The following ITPR2 variants were observed in gnomAD, a reference collection of about 807,000 sequenced individuals.
ITPR2 encodes inositol 1,4,5-trisphosphate receptor type 2.
In ITPR2, 207 loss-of-function variants were observed where a neutral mutation model predicts 317.1. The observed-to-expected ratio is 0.65, with a 90% CI of 0.58 to 0.73. The LOEUF (loss-of-function observed/expected upper bound fraction) is 0.73. ITPR2 is among the 30% of genes least tolerant of loss of function. The pLI, the probability that ITPR2 is intolerant of heterozygous loss-of-function variation, is 0.00. For missense variants in ITPR2, 2,613 were observed against 3,284.0 expected, an observed-to-expected ratio of 0.80 and a Z score of 4.99; for synonymous variants, 1,156 against 1,149.1, an observed-to-expected ratio of 1.01 and a Z score of -0.12.
At chr12:26,772,804 G>A (rs1949896155) in intron 2 of ITPR2, among the ~76,000 whole-genome samples, 1 of 151,112 alleles carries the variant, frequency 6.6e-6, no homozygotes, top group African/African-American at 2.4e-5. Flanking sequence ...TGTTATATAG[G>A]TGTACATGTG....
intron 53 of ITPR2, 33 bp from the exon 54 acceptor site, chr12:26,399,074 G>A: frequency 6.7e-7 from 1 of 1,487,132 alleles, no homozygotes; most frequent in Non-Finnish European, 9.0e-7. Context: ...AATCACACTA[G>A]GCATAGTGAT....
At chr12:26,540,810 G>GA (rs1292572157) in intron 37 of ITPR2, among the ~76,000 whole-genome samples, 1 of 152,084 alleles carries the variant, frequency 6.6e-6, no homozygotes, top group Admixed American at 6.5e-5. Flanking sequence ...CCCAGCAACT[G>GA]AAAAGAGTAA....
Position 26,424,233 on chromosome 12 carries a change from G to A in ITPR2, c.6945+3680C>T, listed in dbSNP as rs147444541. Among the ~76,000 whole-genome samples the A allele has an allele frequency of 9.0e-4, 137 of 152,260 alleles. 1 individual carries two copies. The highest frequency in any genetic ancestry group is 3.0e-3 in the African/African-American group (125 of 41,552). On this transcript the variant is annotated intron_variant, in intron 49 of 56. Coordinates refer to ENST00000381340, the MANE Select transcript of ITPR2 (RefSeq NM_002223.4). ...TCTAAATCTTTTCAACTATCCTAGCGAAGACAGATCAGGCTTTAGTATCTT... is the reference window on the plus strand; with the variant it reads ...TCTAAATCTTTTCAACTATCCTAGCAAAGACAGATCAGGCTTTAGTATCTT...
intron 2 of ITPR2, among the ~76,000 whole-genome samples, chr12:26,732,456 C>CT (rs1291446894): frequency 2.0e-5 from 3 of 152,200 alleles, no homozygotes; most frequent in African/African-American, 7.2e-5. Context: ...TGCCTGACCT[C>CT]TTAGTGGTAG....
At chr12:26,811,471 C>T (rs542069548) in intron 1 of ITPR2, among the ~76,000 whole-genome samples, 9 of 151,642 alleles carry the variant, frequency 5.9e-5, no homozygotes, top group South Asian at 4.2e-4. Context: ...ATTGGTTGGG[C>T]GCGGTGGCTC....
At chr12:26,385,692 CCT>C (rs1939644806) in intron 55 of ITPR2, among the ~76,000 whole-genome samples, 1 of 152,164 alleles carries the variant, frequency 6.6e-6, no homozygotes, top group Admixed American at 6.5e-5. Flanking sequence ...CTCACGATCC[CCT>C]GAGTGTCCAA....
chr12:26,510,720 G>C (rs1012273239), intron 37 of ITPR2, among the ~76,000 whole-genome samples: 2 of 152,172 alleles, frequency 1.3e-5, no homozygotes, highest in Non-Finnish European at 2.9e-5. Context: ...AATTCAATTT[G>C]AATTAAACTA....
At chr12:26,715,072 C>A (rs75442351) in intron 8 of ITPR2, among the ~76,000 whole-genome samples, 1,546 of 151,930 alleles carry the variant, frequency 0.01, 10 homozygotes, top group Non-Finnish European at 0.017. Context: ...GTGCACTTGA[C>A]AGAGAAGGAG....
chr12:26,545,427 CTTT>C (rs1944372897), intron 37 of ITPR2, among the ~76,000 whole-genome samples: 1 of 152,076 alleles, frequency 6.6e-6, no homozygotes, highest in Non-Finnish European at 1.5e-5. Context: ...ACACTACCGG[CTTT>C]AAAGATAGGG....
intron 2 of ITPR2, among the ~76,000 whole-genome samples, chr12:26,760,148 G>A (rs1449726684): frequency 6.6e-6 from 1 of 152,132 alleles, no homozygotes; most frequent in Admixed American, 6.5e-5. Context: ...AGTACTCAGG[G>A]TGCAGCAAAT....
intron 42 of ITPR2, among the ~76,000 whole-genome samples, chr12:26,483,092 A>G (rs1942583116): frequency 1.3e-5 from 2 of 152,318 alleles, no homozygotes; most frequent in East Asian, 3.9e-4. Flanking sequence ...TTGATATCCC[A>G]GAAAACAAAA....
intron 21 of ITPR2, among the ~76,000 whole-genome samples, chr12:26,650,896 T>C (rs896904463): frequency 6.6e-6 from 1 of 152,216 alleles, no homozygotes; most frequent in Non-Finnish European, 1.5e-5. Flanking sequence ...CTTTGCTTTT[T>C]CTCATTCATA....
At chr12:26,370,715 C>T (rs1248016260) in intron 55 of ITPR2, among the ~76,000 whole-genome samples, 2 of 152,152 alleles carry the variant, frequency 1.3e-5, no homozygotes, top group Admixed American at 1.3e-4. Context: ...TGCTCTGTTG[C>T]CCAGGCTGAA....
rs187778505 is a variant in ITPR2, at chr12:26,363,786, A to G, written c.7858-23458T>C. Among the ~76,000 whole-genome samples the G allele has an allele frequency of 7.9e-5, 12 of 152,318 alleles. No individual in the cohort carries two copies. The East Asian group carries it at 2.1e-3, about 27-fold the overall frequency. ...CTTAAAAGAAAAAAAAAAGAGTCCTACAAATTGCACTAAGTATGGAGATAC... is the reference window on the plus strand; with the variant it reads ...CTTAAAAGAAAAAAAAAAGAGTCCTGCAAATTGCACTAAGTATGGAGATAC... On this transcript the variant is annotated intron_variant, in intron 55 of 56. Transcript: ENST00000381340.
chr12:26,605,273 T>C (rs1175640190), intron 26 of ITPR2, among the ~76,000 whole-genome samples: 1 of 151,792 alleles, frequency 6.6e-6, no homozygotes, highest in African/African-American at 2.4e-5. Flanking sequence ...GATTTTCCAT[T>C]TGATAGCAAA....
intron 45 of ITPR2, among the ~76,000 whole-genome samples, chr12:26,452,683 T>G (rs1390129124): frequency 6.6e-6 from 1 of 152,196 alleles, no homozygotes; most frequent in African/African-American, 2.4e-5. Context: ...ATTTGGTATC[T>G]TGAGAGCAGG....
At chr12:26,516,699 C>T (rs1243476264) in intron 37 of ITPR2, among the ~76,000 whole-genome samples, 3 of 151,776 alleles carry the variant, frequency 2.0e-5, no homozygotes, top group Non-Finnish European at 4.4e-5. Flanking sequence ...ATAAGAAATT[C>T]AGGAAGAAAT....
At chr12:26,532,034 A>G (rs1315394684) in intron 37 of ITPR2, among the ~76,000 whole-genome samples, 1 of 152,254 alleles carries the variant, frequency 6.6e-6, no homozygotes, top group Non-Finnish European at 1.5e-5. Flanking sequence ...AACAAAGCTT[A>G]AAATTATAGG....
At chr12:26,605,466 A>G (rs1946110894) in intron 26 of ITPR2, among the ~76,000 whole-genome samples, 1 of 152,180 alleles carries the variant, frequency 6.6e-6, no homozygotes, top group Admixed American at 6.5e-5. Flanking sequence ...CAGGATTAAG[A>G]CATTACCAGC....
Sources: gnomAD v4.1 joint callset for allele counts (sites outside exome capture counted in the v4.1 genomes callset) on GRCh38, gnomAD v4.1.1 for gene constraint, MANE v1.5 for transcripts, NCBI Gene and HGNC (gene_info 2026-07-23, HGNC 2026-07-21) for gene names.